Variants in LGI2 observed in about 807,000 individuals in gnomAD.
LGI2 encodes leucine rich repeat LGI family member 2.
LGI2 carries 30 observed loss-of-function variants against 52.0 expected under a neutral mutation model. The ratio of observed to expected loss-of-function variants is 0.58; its 90% CI spans 0.43 to 0.78. The LOEUF (loss-of-function observed/expected upper bound fraction) is 0.78. Among genes scored for constraint, LGI2 ranks in the 30% least tolerant of loss-of-function variants. LGI2 has a pLI of 0.00. For synonymous variants in LGI2, 270 were observed against 271.8 expected (o/e 0.99, Z 0.06); for missense variants, 573 against 692.5 (o/e 0.83, Z 1.94).
chr4:25,017,568 A>T (rs1325797063), intron 6 of LGI2, among the ~76,000 whole-genome samples: 1 of 150,584 alleles, frequency 6.6e-6, no homozygotes, highest in Non-Finnish European at 1.5e-5. Flanking sequence ...AAAAAAAAAA[A>T]ATTCTGATGT....
In LGI2 at chr4:25,001,561, A is replaced by G. The variant is rs987062631; in HGVS notation, c.*1890T>C. On this transcript the variant is annotated 3_prime_UTR_variant, in exon 8 of 8. Coordinates refer to ENST00000382114, the MANE Select transcript of LGI2 (RefSeq NM_018176.4). Reference sequence around the variant, plus strand: ...AGCCTGTTCAAAGAAACCAAGAGGGAAAAAAAAGTGCAGAAGAAAAGTAAT... The same window carrying G: ...AGCCTGTTCAAAGAAACCAAGAGGGGAAAAAAAGTGCAGAAGAAAAGTAAT... 2.3e-5 allele frequency: 1 copy of G among 43,056 alleles called. No homozygotes were observed. The highest frequency in any genetic ancestry group is 1.5e-3 in the South Asian group (1 of 678). The allele number at this position is 43,056 out of a possible 1,614,324, so 2.7% of individuals were successfully genotyped here.
chr4:25,011,127 G>A (rs554520789), intron 7 of LGI2, among the ~76,000 whole-genome samples: 2 of 151,440 alleles, frequency 1.3e-5, no homozygotes, highest in East Asian at 1.9e-4. Context: ...AAACAGCAAA[G>A]CTTCACTCTG....
In LGI2 at chr4:25,003,345, T is replaced by C; in HGVS notation, c.*106A>G. 1 of 807,764 alleles carries C rather than the reference T, an allele frequency of 1.2e-6. No homozygotes were observed. The highest frequency in any genetic ancestry group is 1.9e-6 in the Non-Finnish European group (1 of 522,408). 50.0% of individuals were successfully genotyped at this position (807,764 alleles called of 1,614,324 possible). ...AAACATCTAACTATTTCAGTGCTTT[T>C]TAATTTCAGAGCTCTGAGCCTGGCT... is the stretch of plus-strand genomic sequence containing the variant. On this transcript the variant is annotated 3_prime_UTR_variant, in exon 8 of 8. Transcript: ENST00000382114.
intron 1 of LGI2, among the ~76,000 whole-genome samples, chr4:25,028,996 C>A (rs552395219): frequency 6.6e-6 from 1 of 152,232 alleles, no homozygotes; most frequent in South Asian, 2.1e-4. Flanking sequence ...CCTCTTGGGA[C>A]CCCATCTCTG....
intron 3 of LGI2, 152 bp downstream of exon 3, chr4:25,026,716 C>T (rs1726163479): frequency 1.6e-6 from 1 of 643,438 alleles, no homozygotes. Context: ...AGCAAGTAAA[C>T]TATAAAAGGT....
chr4:25,002,247 G>A lies in LGI2; in HGVS notation c.*1204C>T, dbSNP rs1322851904. The A allele has an allele frequency of 6.6e-6, 1 of 152,242 alleles. No individual in the cohort carries two copies. Among genetic ancestry groups the A allele is most frequent in the East Asian group, 1.9e-4 (1 of 5,186 alleles). The allele number at this position is 152,242 out of a possible 1,614,324, so 9.4% of individuals were successfully genotyped here. On this transcript the variant is annotated 3_prime_UTR_variant, in exon 8 of 8. Coordinates refer to ENST00000382114, the MANE Select transcript of LGI2 (RefSeq NM_018176.4). ...ACGTGGCCCCATGTGGGTCCTGGCG[G>A]GGGTTCCTTTGGTAAAGTACTGGGA...
chr4:25,026,133 T>A (rs932420464), intron 3 of LGI2, among the ~76,000 whole-genome samples: 21 of 151,738 alleles, frequency 1.4e-4, no homozygotes, highest in African/African-American at 5.1e-4. Context: ...AATACCTACC[T>A]GTTGAACTCA....
Position 25,030,486 on chromosome 4 carries a change from G to C in LGI2, c.197+11C>G. ...GCGGGACGGGATGGGGGCTGGAGGG[G>C]TCCCACTCACAGGGAGCTGATGTCG... On this transcript the variant is annotated intron_variant, in intron 1 of 7. Transcript: ENST00000382114. 3 of 1,576,860 alleles carry C rather than the reference G, an allele frequency of 1.9e-6. No homozygotes were observed. Among genetic ancestry groups the C allele is most frequent in the Non-Finnish European group, 2.6e-6 (3 of 1,162,920 alleles).
At chr4:25,019,635 C>T (rs1002843433) in intron 4 of LGI2, among the ~76,000 whole-genome samples, 9 of 152,128 alleles carry the variant, frequency 5.9e-5, no homozygotes, top group Admixed American at 2.0e-4. Context: ...ACACTGGCCT[C>T]CTTGCTATTC....
chr4:25,023,008 C>T (rs915237539), intron 4 of LGI2, among the ~76,000 whole-genome samples: 1 of 152,078 alleles, frequency 6.6e-6, no homozygotes, highest in Admixed American at 6.5e-5. Flanking sequence ...GCCAAAGATA[C>T]TTGACAGGCC....
rs773389735 is a variant in LGI2 at position 25,004,140 on chromosome 4, C to G, written c.949G>C (p.Asp317His). The change falls in exon 8 of 8, where the codon GAC (aspartate) becomes CAC (histidine). Residue 317 changes from aspartate to histidine, a missense_variant. Coordinates refer to ENST00000382114, the MANE Select transcript of LGI2 (RefSeq NM_018176.4). The surrounding 1 kb of genome is among the most constrained non-coding windows in gnomAD (Gnocchi z 4.6). ...TTGGAAATGCGAGAGACCTCTATGT[C>G]TTGGAATTTGACAAATTTGGTCCAA... Reference protein sequence around the residue: ...ESWTKFVKFQDIEVSRISKPN... With the variant: ...ESWTKFVKFQHIEVSRISKPN... The G allele has an allele frequency of 8.7e-6, 14 of 1,614,152 alleles. No homozygotes were observed. The highest frequency in any genetic ancestry group is 1.2e-5 in the Non-Finnish European group (14 of 1,180,042).
chr4:25,003,705 G>A lies in LGI2; in HGVS notation c.1384C>T (p.Arg462Trp), dbSNP rs377152931. 6.8e-6 allele frequency: 11 copies of A among 1,614,158 alleles called. No homozygotes were observed. The highest frequency in any genetic ancestry group is 4.5e-5 in the East Asian group (2 of 44,884). Residue 462 changes from arginine to tryptophan, a missense_variant, in exon 8 of 8, where the codon CGG becomes TGG. Coordinates refer to ENST00000382114, the MANE Select transcript of LGI2 (RefSeq NM_018176.4). ...AAGGGCTGCAGGGTCATGGCCCCCC[G>A]GGATGGAAGAGCTTGGATCTCCACA... ...QFVEIQALPS[R>W]GAMTLQPFSF...
Position 25,030,701 on chromosome 4 carries a change from C to A in LGI2, c.-8G>T. Reference sequence around the variant, plus strand: ...GCCTCTCCGCAGCGCCATGCCCGGTCCCCGCTCCCCGCCCGGGCCCCGACC... The same window carrying A: ...GCCTCTCCGCAGCGCCATGCCCGGTACCCGCTCCCCGCCCGGGCCCCGACC... On this transcript the variant is annotated 5_prime_UTR_variant, in exon 1 of 8. Coordinates refer to ENST00000382114, the MANE Select transcript of LGI2 (RefSeq NM_018176.4). The A allele has an allele frequency of 2.3e-6, 3 of 1,301,348 alleles. No homozygotes were observed. The highest frequency in any genetic ancestry group is 2.9e-6 in the Non-Finnish European group (3 of 1,030,112). The allele number at this position is 1,301,348 out of a possible 1,614,324, so 80.6% of individuals were successfully genotyped here.
At chr4:25,016,586 A>G (rs1725767553) in intron 6 of LGI2, among the ~76,000 whole-genome samples, 1 of 152,174 alleles carries the variant, frequency 6.6e-6, no homozygotes, top group East Asian at 1.9e-4. Flanking sequence ...GTAAGCCCCT[A>G]TTTGATGATG....
intron 6 of LGI2, among the ~76,000 whole-genome samples, chr4:25,016,481 C>T (rs1381702265): frequency 2.0e-5 from 3 of 152,196 alleles, no homozygotes; most frequent in East Asian, 1.9e-4. Context: ...TTATCGACTA[C>T]GACCTCTGAT....
rs945245312 is a variant in LGI2 at position 25,001,875 on chromosome 4, CA to C, written c.*1575del. 6.6e-6 allele frequency: 1 copy of C among 152,186 alleles called. No individual in the cohort carries two copies. Among genetic ancestry groups the C allele is most frequent in the Non-Finnish European group, 1.5e-5 (1 of 68,034 alleles). The allele number at this position is 152,186 out of a possible 1,614,324, so 9.4% of individuals were successfully genotyped here. ...AAACATCTACCTACTCATGACATGGCAAATAGTCATTTTACAATAACAATAC... is the reference window on the plus strand; with the variant it reads ...AAACATCTACCTACTCATGACATGGCAATAGTCATTTTACAATAACAATAC... On this transcript the variant is annotated 3_prime_UTR_variant, in exon 8 of 8. Transcript: ENST00000382114.
At chr4:25,019,464 T>TA (rs1359531061) in intron 4 of LGI2, among the ~76,000 whole-genome samples, 2 of 152,224 alleles carry the variant, frequency 1.3e-5, no homozygotes, top group East Asian at 3.9e-4. Context: ...TTTATGTATA[T>TA]TTGCTCAACC....
chr4:25,016,895 G>A (rs1285762881), intron 6 of LGI2, among the ~76,000 whole-genome samples: 1 of 152,076 alleles, frequency 6.6e-6, no homozygotes, highest in African/African-American at 2.4e-5. Flanking sequence ...TTATAAATTG[G>A]GTAAGCAGGT....
chr4:25,013,984 G>A (rs1288576411), intron 6 of LGI2, among the ~76,000 whole-genome samples: 1 of 152,186 alleles, frequency 6.6e-6, no homozygotes, highest in Non-Finnish European at 1.5e-5. Context: ...AGAGAAAGGG[G>A]AAATGGCAGC....
Sources: allele counts gnomAD v4.1 joint callset (sites outside exome capture counted in the v4.1 genomes callset), GRCh38; gene constraint gnomAD v4.1.1; non-coding constraint Gnocchi (gnomAD v3.1); transcripts MANE v1.5; gene names NCBI Gene and HGNC (gene_info 2026-07-23, HGNC 2026-07-21).